The following CDH13 variants were observed in gnomAD, a reference collection of about 807,000 sequenced individuals.
CDH13 encodes the protein cadherin-13.
A neutral mutation model predicts 63.8 loss-of-function variants in CDH13; 24 were observed. The ratio of observed to expected loss-of-function variants is 0.38; its 90% CI spans 0.27 to 0.53. The LOEUF (loss-of-function observed/expected upper bound fraction) is 0.53, where lower values mean the gene tolerates loss of function less well. Among genes scored for constraint, CDH13 ranks in the 20% least tolerant of loss-of-function variants. CDH13 has a pLI of 0.85. For synonymous variants in CDH13, 503 were observed against 355.3 expected, an observed-to-expected ratio of 1.42 and a Z score of -4.67; for missense variants, 1,049 against 903.1, an observed-to-expected ratio of 1.16 and a Z score of -2.07.
chr16:82,669,329 A>G (rs1454745713), intron 1 of CDH13, among the ~76,000 whole-genome samples: 27 of 152,166 alleles, frequency 1.8e-4, no homozygotes, highest in African/African-American at 2.4e-5. Flanking sequence ...CGCCCAGGAG[A>G]TTATATTACC....
At chr16:83,066,515 G>T (rs1472720566) in intron 3 of CDH13, among the ~76,000 whole-genome samples, 1 of 151,622 alleles carries the variant, frequency 6.6e-6, no homozygotes, top group African/African-American at 2.4e-5. Flanking sequence ...GCTGACTGAT[G>T]CTTACAAAAG....
At chr16:83,551,318 C>T (rs1280986878) in intron 7 of CDH13, among the ~76,000 whole-genome samples, 7 of 152,032 alleles carry the variant, frequency 4.6e-5, no homozygotes, top group African/African-American at 9.7e-5. Context: ...CCACCTGCCT[C>T]GGCCTCCCAT....
chr16:83,017,377 C>T (rs1418253453), intron 2 of CDH13, among the ~76,000 whole-genome samples: 1 of 152,194 alleles, frequency 6.6e-6, no homozygotes, highest in Non-Finnish European at 1.5e-5. Context: ...TCCTGTGCTG[C>T]TAAGCTGTAG....
At chr16:83,433,461 A>G (rs1257097638) in intron 6 of CDH13, among the ~76,000 whole-genome samples, 1 of 152,220 alleles carries the variant, frequency 6.6e-6, no homozygotes, top group African/African-American at 2.4e-5. Flanking sequence ...TGACCAGCGG[A>G]TAAACCACAA....
chr16:83,540,572 T>C (rs1012523266), intron 7 of CDH13, among the ~76,000 whole-genome samples: 3 of 152,214 alleles, frequency 2.0e-5, no homozygotes, highest in Admixed American at 1.3e-4. Flanking sequence ...ACAGTTTCTT[T>C]TGTCTTAAGT....
intron 1 of CDH13, among the ~76,000 whole-genome samples, chr16:82,831,693 C>A (rs1438768131): frequency 6.6e-6 from 1 of 152,200 alleles, no homozygotes; most frequent in Non-Finnish European, 1.5e-5. Flanking sequence ...TTCTCAGATA[C>A]AAATATTTCT....
At chr16:83,432,473 G>A (rs1016261309) in intron 6 of CDH13, among the ~76,000 whole-genome samples, 9 of 152,158 alleles carry the variant, frequency 5.9e-5, no homozygotes, top group South Asian at 2.1e-4. Context: ...CTACTTCCAC[G>A]CTTGAGATGT....
At chr16:83,553,999 T>A (rs1311916301) in intron 7 of CDH13, among the ~76,000 whole-genome samples, 1 of 152,240 alleles carries the variant, frequency 6.6e-6, no homozygotes, top group East Asian at 1.9e-4. Flanking sequence ...CTTGTACAGA[T>A]ATAATTGCCT....
intron 5 of CDH13, among the ~76,000 whole-genome samples, chr16:83,300,368 T>C (rs1490981199): frequency 6.6e-6 from 1 of 152,286 alleles, no homozygotes; most frequent in Non-Finnish European, 1.5e-5. Context: ...CTGTTCTTTA[T>C]ATAGAGCTTT....
intron 1 of CDH13, among the ~76,000 whole-genome samples, chr16:82,791,722 G>C (rs1318670042): frequency 1.3e-5 from 2 of 152,206 alleles, no homozygotes; most frequent in African/African-American, 4.8e-5. Flanking sequence ...CTGGGCTAAA[G>C]GCTTGCCATT....
At chr16:83,649,398 G>A (rs1466639923) in intron 8 of CDH13, among the ~76,000 whole-genome samples, 1 of 152,160 alleles carries the variant, frequency 6.6e-6, no homozygotes, top group Non-Finnish European at 1.5e-5. Context: ...ATCACACAGT[G>A]GGAGGTGAGG....
chr16:82,835,473 C>T (rs756631689), intron 1 of CDH13, among the ~76,000 whole-genome samples: 4 of 152,198 alleles, frequency 2.6e-5, no homozygotes, highest in Admixed American at 6.5e-5. Context: ...CAGCAAATTT[C>T]CTGGGATGTG....
intron 3 of CDH13, among the ~76,000 whole-genome samples, chr16:83,081,731 A>C (rs1357097280): frequency 6.6e-6 from 1 of 152,110 alleles, no homozygotes; most frequent in Non-Finnish European, 1.5e-5. Flanking sequence ...AAGAGCTCGC[A>C]AGGATCATCT....
chr16:83,301,376 C>T (rs573968275), intron 5 of CDH13, among the ~76,000 whole-genome samples: 2 of 152,242 alleles, frequency 1.3e-5, no homozygotes, highest in East Asian at 1.9e-4. Context: ...CATTTATCCA[C>T]TCTACCTCCC....
chr16:82,934,039 C>G (rs986970101), intron 2 of CDH13, among the ~76,000 whole-genome samples: 8 of 152,312 alleles, frequency 5.3e-5, no homozygotes, highest in African/African-American at 1.9e-4. Flanking sequence ...GACAGTGGCC[C>G]TTTTCTCACA....
chr16:83,605,212 C>T (rs1359543239), intron 8 of CDH13, among the ~76,000 whole-genome samples: 2 of 152,154 alleles, frequency 1.3e-5, no homozygotes, highest in African/African-American at 4.8e-5. Flanking sequence ...TACCTAAACT[C>T]ATAAAGAGAG....
At chr16:83,709,447 A>G (rs1261003839) in intron 10 of CDH13, among the ~76,000 whole-genome samples, 1 of 152,192 alleles carries the variant, frequency 6.6e-6, no homozygotes, top group Non-Finnish European at 1.5e-5. Context: ...GCACACCCCA[A>G]GTTTTCCACT....
chr16:83,008,744 C>G lies in CDH13; in HGVS notation c.158-23266C>G, dbSNP rs78668275. ...GCCTGTGCCAGAACGAGGCCTTCCT[C>G]TCTTTCTCCCTCCTTCCTTTCATCT... On this transcript the variant is annotated intron_variant, in intron 2 of 13. Coordinates refer to ENST00000567109, the MANE Select transcript of CDH13 (RefSeq NM_001257.5). Among the ~76,000 whole-genome samples the G allele has an allele frequency of 9.9e-3, 1,505 of 152,300 alleles. 11 individuals are homozygous for G. The highest frequency in any genetic ancestry group is 0.024 in the Middle Eastern group (7 of 294).
intron 7 of CDH13, among the ~76,000 whole-genome samples, chr16:83,506,097 G>T (rs916111950): frequency 6.6e-6 from 1 of 152,192 alleles, no homozygotes; most frequent in African/African-American, 2.4e-5. Context: ...TTCCACTCAT[G>T]GCAAACAGGA....
Sources: gnomAD v4.1 joint callset for allele counts (sites outside exome capture counted in the v4.1 genomes callset) on GRCh38, gnomAD v4.1.1 for gene constraint, MANE v1.5 for transcripts, NCBI Gene and HGNC (gene_info 2026-07-23, HGNC 2026-07-21) for gene names.